The following CUL2 variants were observed in gnomAD, a reference collection of about 807,000 sequenced individuals.
The protein encoded by CUL2 is cullin-2.
In CUL2, 22 loss-of-function variants were observed where a neutral mutation model predicts 110.2. The observed-to-expected ratio is 0.20, with a 90% CI of 0.14 to 0.28. The LOEUF (loss-of-function observed/expected upper bound fraction) is 0.28. Ranked by LOEUF, CUL2 falls within the 10% of genes least tolerant of loss-of-function variation. The pLI, the probability that CUL2 is intolerant of heterozygous loss-of-function variation, is 1.00. For synonymous variants in CUL2, 279 were observed against 293.2 expected, an observed-to-expected ratio of 0.95 and a Z score of 0.49; for missense variants, 631 against 905.5, an observed-to-expected ratio of 0.70 and a Z score of 3.89.
intron 1 of CUL2, among the ~76,000 whole-genome samples, chr10:35,111,707 G>A (rs2087526074): frequency 6.6e-6 from 1 of 152,190 alleles, no homozygotes; most frequent in African/African-American, 2.4e-5. Flanking sequence ...GGCCAACATG[G>A]TGAAAACTGG....
intron 1 of CUL2, among the ~76,000 whole-genome samples, chr10:35,080,333 G>C (rs1016175872): frequency 3.9e-5 from 6 of 152,094 alleles, no homozygotes; most frequent in African/African-American, 1.4e-4. Context: ...TGGAGGTTAA[G>C]GGTGCAATGT....
At chr10:35,071,868 T>C (rs2086690927) in intron 1 of CUL2, among the ~76,000 whole-genome samples, 1 of 152,182 alleles carries the variant, frequency 6.6e-6, no homozygotes, top group Non-Finnish European at 1.5e-5. Flanking sequence ...CTCTAGGAAA[T>C]GGAAAGCTTC....
intron 17 of CUL2, 78 bp downstream of exon 17, chr10:35,025,054 C>T: frequency 2.9e-6 from 4 of 1,383,304 alleles, no homozygotes; most frequent in Non-Finnish European, 3.8e-6. Flanking sequence ...TGTAATTGGG[C>T]CATAGAAAAC....
At chr10:35,049,456 A>G (rs560670295) in intron 6 of CUL2, among the ~76,000 whole-genome samples, 5 of 151,958 alleles carry the variant, frequency 3.3e-5, no homozygotes, top group African/African-American at 7.3e-5. Context: ...ATATTAGGGT[A>G]TAAGAAAAGA....
chr10:35,109,483 AT>A (rs1375840296), intron 1 of CUL2, among the ~76,000 whole-genome samples: 1 of 152,232 alleles, frequency 6.6e-6, no homozygotes, highest in East Asian at 1.9e-4. Flanking sequence ...GACAAAGATA[AT>A]TTTGTCTAGT....
intron 1 of CUL2, among the ~76,000 whole-genome samples, chr10:35,103,321 T>TA (rs1337385837): frequency 4.8e-4 from 56 of 115,922 alleles, no homozygotes; most frequent in Non-Finnish European, 7.7e-4. Flanking sequence ...TTTTTTTTTT[T>TA]TTTTTTTTTT....
In CUL2 at chr10:35,110,444, A is replaced by G. The variant is rs555153083; in HGVS notation, c.-50-9384T>C. 3.3e-5 allele frequency among the ~76,000 whole-genome samples: 5 copies of G among 152,298 alleles called. No homozygotes were observed. In the East Asian group the frequency reaches 5.8e-4, roughly 18 times the overall value. ...GCTGGGTGTGGTGGTGCACGCCTAT[A>G]GTCCCAGATACTCTGGAGTCTGAGA... On this transcript the variant is annotated intron_variant, in intron 1 of 5. Transcript: ENST00000685421.
At chr10:35,011,702 T>C (rs1405958886) in intron 20 of CUL2, 146 bp downstream of exon 20, 10 of 565,702 alleles carry the variant, frequency 1.8e-5, no homozygotes, top group Non-Finnish European at 3.2e-5. Context: ...TGTGAGTGAG[T>C]ACGATTCTGA....
intron 1 of CUL2, among the ~76,000 whole-genome samples, chr10:35,082,269 T>C (rs1327783108): frequency 6.6e-6 from 1 of 152,192 alleles, no homozygotes; most frequent in Non-Finnish European, 1.5e-5. Context: ...CTTGAAGATA[T>C]TACGCTAAGT....
intron 1 of CUL2, among the ~76,000 whole-genome samples, chr10:35,112,838 T>C (rs1046003963): frequency 5.9e-5 from 9 of 152,134 alleles, no homozygotes; most frequent in African/African-American, 2.2e-4. Flanking sequence ...CTTACACCAA[T>C]AATCTTAAAA....
intron 4 of CUL2, among the ~76,000 whole-genome samples, chr10:35,059,656 A>C (rs1299798887): frequency 6.6e-6 from 1 of 152,194 alleles, no homozygotes; most frequent in Non-Finnish European, 1.5e-5. Context: ...TCATCTCCAA[A>C]GTATGCCTGT....
At chr10:35,040,762 C>T (rs2085764160) in intron 8 of CUL2, among the ~76,000 whole-genome samples, 1 of 152,150 alleles carries the variant, frequency 6.6e-6, no homozygotes, top group Non-Finnish European at 1.5e-5. Context: ...AGGTGGCTTC[C>T]AGGTGAAGTA....
Position 35,096,415 on chromosome 10 carries a change from G to A in CUL2, c.167+4429C>T, listed in dbSNP as rs547704805. On this transcript the variant is annotated intron_variant, in intron 2 of 5. Transcript: ENST00000685421. ...AGGCCAGGAGTTCAAGACCAGCCTGGGCAACAGAGCAAAACCCTGTCTCTA... is the reference window on the plus strand; with the variant it reads ...AGGCCAGGAGTTCAAGACCAGCCTGAGCAACAGAGCAAAACCCTGTCTCTA... 5.3e-5 allele frequency among the ~76,000 whole-genome samples: 8 copies of A among 152,096 alleles called. No individual in the cohort carries two copies. In the South Asian group the frequency reaches 1.5e-3, roughly 28 times the overall value.
At chr10:35,117,255 T>C (rs1054939694) in intron 1 of CUL2, among the ~76,000 whole-genome samples, 2 of 152,186 alleles carry the variant, frequency 1.3e-5, no homozygotes, top group South Asian at 4.1e-4. Flanking sequence ...TGGTGTGGAC[T>C]GGCAGAGCAC....
intron 4 of CUL2, among the ~76,000 whole-genome samples, chr10:35,060,055 T>A (rs1253556560): frequency 1.3e-5 from 2 of 151,370 alleles, no homozygotes. Context: ...AGCTCAGGAG[T>A]TCAAGACCAT....
At chr10:35,043,369 T>C (rs1057064466) in intron 8 of CUL2, among the ~76,000 whole-genome samples, 3 of 151,428 alleles carry the variant, frequency 2.0e-5, no homozygotes, top group African/African-American at 4.9e-5. Context: ...CTGAACTTAA[T>C]TGATGGGGGA....
intron 2 of CUL2, among the ~76,000 whole-genome samples, chr10:35,069,416 C>T (rs1159835063): frequency 6.6e-6 from 1 of 152,018 alleles, no homozygotes; most frequent in Non-Finnish European, 1.5e-5. Flanking sequence ...TAGCACATGC[C>T]TGTAGTCCCA....
chr10:35,109,151 C>G (rs551570098), intron 1 of CUL2, among the ~76,000 whole-genome samples: 12 of 152,154 alleles, frequency 7.9e-5, no homozygotes, highest in Admixed American at 2.6e-4. Flanking sequence ...GGTTGAGGCT[C>G]CAGTGAGCCA....
intron 1 of CUL2, among the ~76,000 whole-genome samples, chr10:35,086,686 C>T (rs2087072908): frequency 6.6e-6 from 1 of 152,018 alleles, no homozygotes. Context: ...AAAATACAAA[C>T]TCCAGCCTGG....
Sources: gnomAD v4.1 joint callset for allele counts (sites outside exome capture counted in the v4.1 genomes callset) on GRCh38, gnomAD v4.1.1 for gene constraint, MANE v1.5 for transcripts, NCBI Gene and HGNC (gene_info 2026-07-23, HGNC 2026-07-21) for gene names.